UPF1: variants seen among roughly 807,000 people sequenced by gnomAD.
The protein encoded by UPF1 is UPF1 RNA helicase and ATPase.
UPF1 carries 9 observed loss-of-function variants against 129.2 expected under a neutral mutation model. The observed-to-expected ratio is 0.07, with a 90% confidence interval of 0.04 to 0.12. The LOEUF is 0.12. Ranked by LOEUF, UPF1 falls within the 10% of genes least tolerant of loss-of-function variation. The pLI is 1.00. For missense variants in UPF1, 788 were observed against 1,525.3 expected, an observed-to-expected ratio of 0.52 and a Z score of 8.05; for synonymous variants, 649 against 644.9, an observed-to-expected ratio of 1.01 and a Z score of -0.10.
chr19:18,855,830 AG>A (rs771969616), intron 11 of UPF1, 94 bp from the exon 12 acceptor site: 28 of 1,493,108 alleles, frequency 1.9e-5, no homozygotes, highest in Non-Finnish European at 2.4e-5. Context: ...CCTGGGCAAC[AG>A]AGCAAGACCC....
chr19:18,845,854 A>G, intron 1 of UPF1, 126 bp from the exon 2 acceptor site: 1 of 1,389,114 alleles, frequency 7.2e-7, no homozygotes, highest in Non-Finnish European at 9.5e-7. Flanking sequence ...TCCAGTCAGA[A>G]CAAGGGAAAC....
chr19:18,852,098 A>C, intron 5 of UPF1, 37 bp from the exon 6 acceptor site: 1 of 1,560,654 alleles, frequency 6.4e-7, no homozygotes. Flanking sequence ...TGTAGGGAAA[A>C]ACAGGACGAG....
chr19:18,848,058 G>T (rs2055619104), intron 3 of UPF1: 1 of 461,378 alleles, frequency 2.2e-6, no homozygotes, highest in African/African-American at 2.0e-5. Context: ...TGCAAGTAGG[G>T]TTGGCTTAAT....
At chr19:18,836,318 A>T (rs1004201233) in intron 1 of UPF1, among the ~76,000 whole-genome samples, 2 of 152,260 alleles carry the variant, frequency 1.3e-5, no homozygotes, top group Non-Finnish European at 2.9e-5. Context: ...TGGATCCTCC[A>T]AACGGGAACT....
chr19:18,862,526 C>T lies in UPF1; in HGVS notation c.2600+374C>T, dbSNP rs118065482. On this transcript the variant is annotated intron_variant, in intron 18 of 23. Coordinates refer to ENST00000262803, the MANE Select transcript of UPF1 (RefSeq NM_002911.4). ...GGACCCCGAGAACAAGGTGTCCATT[C>T]TGTCATCCCACATAAAACTAGACAT... is the stretch of plus-strand genomic sequence containing the variant. 4.9e-3 allele frequency among the ~76,000 whole-genome samples: 743 copies of T among 152,152 alleles called. 2 individuals carry two copies. The highest frequency in any genetic ancestry group is 7.8e-3 in the Admixed American group (119 of 15,282).
intron 1 of UPF1, among the ~76,000 whole-genome samples, chr19:18,843,046 A>G (rs565362422): frequency 5.1e-4 from 77 of 151,976 alleles, no homozygotes; most frequent in Middle Eastern, 3.4e-3. Context: ...GGCTATTCTC[A>G]AACCCTGGGC....
intron 1 of UPF1, among the ~76,000 whole-genome samples, chr19:18,838,865 A>T (rs1005220585): frequency 6.6e-5 from 10 of 152,218 alleles, no homozygotes; most frequent in Non-Finnish European, 1.5e-5. Flanking sequence ...ACCTGAGCTG[A>T]CACTTTACAG....
chr19:18,862,596 G>C (rs2145969638), intron 18 of UPF1, among the ~76,000 whole-genome samples: 1 of 152,180 alleles, frequency 6.6e-6, no homozygotes, highest in East Asian at 1.9e-4. Context: ...AGCACTTTGG[G>C]AGGCCGAGGC....
chr19:18,866,227 G>T, intron 23 of UPF1, 61 bp downstream of exon 23: 4 of 1,494,736 alleles, frequency 2.7e-6, no homozygotes, highest in Non-Finnish European at 2.7e-6. Context: ...ATGGGAGGGG[G>T]CTCTCCCCAG....
chr19:18,849,925 C>A, intron 3 of UPF1, 150 bp from the exon 4 acceptor site: 1 of 944,328 alleles, frequency 1.1e-6, no homozygotes, highest in Admixed American at 2.6e-5. Flanking sequence ...TGGGGGAGGG[C>A]TGGCCCCCAG....
At chr19:18,844,874 C>T (rs1318557852) in intron 1 of UPF1, among the ~76,000 whole-genome samples, 2 of 152,252 alleles carry the variant, frequency 1.3e-5, no homozygotes, top group Non-Finnish European at 2.9e-5. Context: ...TGAAACTTTT[C>T]AGAGAGTGAA....
At chr19:18,864,758 G>GTCT (rs1263225318) in intron 20 of UPF1, among the ~76,000 whole-genome samples, 1 of 10,482 alleles carries the variant, frequency 9.5e-5, no homozygotes, top group East Asian at 1.2e-3. Context: ...TTTTTTTTTG[G>GTCT]AGACCGAGTC....
chr19:18,848,061 G>T, intron 3 of UPF1: 3 of 448,050 alleles, frequency 6.7e-6, no homozygotes, highest in Non-Finnish European at 8.0e-6. Flanking sequence ...AAGTAGGGTT[G>T]GCTTAATTCT....
chr19:18,847,445 C>G (rs576065627), intron 2 of UPF1, among the ~76,000 whole-genome samples: 2 of 152,318 alleles, frequency 1.3e-5, no homozygotes, highest in Admixed American at 1.3e-4. Flanking sequence ...GAATTTCAGG[C>G]CAAAGAACGG....
rs1468585918 is a variant in UPF1, at chr19:18,853,446, C to A, written c.1156+96C>A. On this transcript the variant is annotated intron_variant, in intron 8 of 23. Coordinates refer to ENST00000262803, the MANE Select transcript of UPF1 (RefSeq NM_002911.4). The surrounding 1 kb of genome is among the most constrained non-coding windows in gnomAD (Gnocchi z 4.4). ...TGTGGATTTGATGCTCACTGCTGGG[C>A]CAGCATCTCATGCTCTGTGGTGGGT... is the stretch of plus-strand genomic sequence containing the variant. The A allele has an allele frequency of 1.6e-6, 2 of 1,218,098 alleles. No individual in the cohort carries two copies. The highest frequency in any genetic ancestry group is 2.6e-5 in the Admixed American group (1 of 37,970). The allele number at this position is 1,218,098 out of a possible 1,614,324, so 75.5% of individuals were successfully genotyped here.
In UPF1 at chr19:18,853,173, G is replaced by A. The variant is rs1196268003; in HGVS notation, c.1058-79G>A. The A allele has an allele frequency of 1.9e-6, 3 of 1,593,682 alleles. No homozygotes were observed. Among genetic ancestry groups the A allele is most frequent in the Admixed American group, 1.7e-5 (1 of 58,226 alleles). ...ATTCCTAGTTCCACCCTTGTAAAGT[G>A]CCCCTTAATTTGAACTCTCCCTGGT... On this transcript the variant is annotated intron_variant, in intron 7 of 23. Coordinates refer to ENST00000262803, the MANE Select transcript of UPF1 (RefSeq NM_002911.4). This position sits in a 1 kb window ranked among gnomAD's most constrained non-coding sequence, Gnocchi z 4.4.
chr19:18,859,131 C>T (rs1156966595), intron 15 of UPF1, among the ~76,000 whole-genome samples: 2 of 152,220 alleles, frequency 1.3e-5, no homozygotes, highest in Non-Finnish European at 2.9e-5. Flanking sequence ...GCTGAAAACA[C>T]AAGGCCACAG....
In UPF1 at chr19:18,832,353, C is replaced by T. The variant is rs2055435237; in HGVS notation, c.144C>T (p.Pro48=). The change falls in exon 1 of 24, where the codon CCC becomes CCT. Residue 48 remains proline, a synonymous_variant. Coordinates refer to ENST00000262803, the MANE Select transcript of UPF1 (RefSeq NM_002911.4). This position sits in a 1 kb window ranked among gnomAD's most constrained non-coding sequence, Gnocchi z 5.6. ...FTLPSQTQTP[P]GGPGGPGGGG... is the part of the protein sequence containing the mutation. ...TTCCTAGCCAGACGCAGACGCCCCCCGGCGGCCCCGGCGGCCCGGGCGGTG... is the reference window on the plus strand; with the variant it reads ...TTCCTAGCCAGACGCAGACGCCCCCTGGCGGCCCCGGCGGCCCGGGCGGTG... The T allele has an allele frequency of 2.2e-6, 3 of 1,338,964 alleles. No homozygotes were observed. The highest frequency in any genetic ancestry group is 2.9e-6 in the Non-Finnish European group (3 of 1,022,166). 82.9% of individuals were successfully genotyped at this position (1,338,964 alleles called of 1,614,324 possible).
chr19:18,860,160 C>G, intron 15 of UPF1, 161 bp from the exon 16 acceptor site: 1 of 730,454 alleles, frequency 1.4e-6, no homozygotes, highest in South Asian at 1.7e-5. Flanking sequence ...CATCTCTGGC[C>G]AGGGGACCGG....
Sources: allele counts gnomAD v4.1 joint callset (sites outside exome capture counted in the v4.1 genomes callset), GRCh38; gene constraint gnomAD v4.1.1; non-coding constraint Gnocchi (gnomAD v3.1); transcripts MANE v1.5; gene names NCBI Gene and HGNC (gene_info 2026-07-23, HGNC 2026-07-21).